Variants in SLC33A1 observed in about 807,000 individuals in gnomAD.
SLC33A1 encodes acetyl-coenzyme A transporter 1.
In SLC33A1, 20 loss-of-function variants were observed where a neutral mutation model predicts 50.0. That is an observed-to-expected ratio of 0.40 (90% CI 0.28 to 0.58). The LOEUF (loss-of-function observed/expected upper bound fraction) is 0.58, where lower values mean the gene tolerates loss of function less well. Ranked by LOEUF, SLC33A1 falls within the 20% of genes least tolerant of loss-of-function variation. SLC33A1 has a pLI of 0.44. For synonymous variants in SLC33A1, 265 were observed against 251.8 expected (o/e 1.05, Z -0.50); for missense variants, 476 against 657.0 (o/e 0.72, Z 3.01).
In SLC33A1 at chr3:155,821,406, AATAG is replaced by A. The variant is rs2109295662; in HGVS notation, c.*6800_*6803del. The A allele has an allele frequency of 6.6e-6, 1 of 152,366 alleles. No homozygotes were observed. Among genetic ancestry groups the A allele is most frequent in the South Asian group, 2.1e-4 (1 of 4,828 alleles). 9.4% of individuals were successfully genotyped at this position (152,366 alleles called of 1,614,324 possible). ...TGCAAAGGCAACATCTGGGGACAAC[AATAG>A]ATATAGACTCACCAATATAATTTGA... On this transcript the variant is annotated 3_prime_UTR_variant, in exon 6 of 6. Transcript: ENST00000643144.
At chr3:155,844,216 T>C (rs920482344) in intron 1 of SLC33A1, among the ~76,000 whole-genome samples, 11 of 151,966 alleles carry the variant, frequency 7.2e-5, no homozygotes, top group Admixed American at 7.2e-4. Context: ...TCCTTTCTTA[T>C]ATGTTATCTC....
intron 2 of SLC33A1, among the ~76,000 whole-genome samples, chr3:155,838,567 G>C (rs1752796590): frequency 6.6e-6 from 1 of 151,518 alleles, no homozygotes; most frequent in Non-Finnish European, 1.5e-5. Context: ...TGTAATCCCA[G>C]CTACTCCGGA....
chr3:155,832,154 G>A (rs564997619), intron 4 of SLC33A1, among the ~76,000 whole-genome samples: 1 of 152,178 alleles, frequency 6.6e-6, no homozygotes, highest in East Asian at 1.9e-4. Flanking sequence ...GAGGCGGGTG[G>A]ATCACCTGAG....
rs1335863721 is a variant in SLC33A1 at position 155,825,022 on chromosome 3, A to G, written c.*3188T>C. On this transcript the variant is annotated 3_prime_UTR_variant, in exon 6 of 6. Transcript: ENST00000643144. The stretch of plus-strand genomic sequence containing the variant: ...AGGTCAAGGCTGGACGACTGCTTGA[A>G]GCTATGAGATTGGGACTAGCCTGGA... The G allele has an allele frequency of 1.3e-5, 2 of 152,184 alleles. No individual in the cohort carries two copies. The highest frequency in any genetic ancestry group is 4.8e-5 in the African/African-American group (2 of 41,448). The allele number at this position is 152,184 out of a possible 1,614,324, so 9.4% of individuals were successfully genotyped here. A position where few individuals can be genotyped will look rare whatever the true frequency, so the allele number is the denominator to read the frequency against.
chr3:155,831,717 AT>A (rs1752443088), intron 4 of SLC33A1, among the ~76,000 whole-genome samples: 1 of 152,114 alleles, frequency 6.6e-6, no homozygotes, highest in Non-Finnish European at 1.5e-5. Context: ...TAGTTAAAGT[AT>A]TTCTTTAACC....
At chr3:155,829,650 T>C in intron 5 of SLC33A1, 38 bp downstream of exon 5, 1 of 1,354,826 alleles carries the variant, frequency 7.4e-7, no homozygotes, top group Non-Finnish European at 1.1e-6. Context: ...AATATCTTAG[T>C]ATTAGCTTAA....
At chr3:155,839,300 CAA>C (rs550171374) in intron 2 of SLC33A1, among the ~76,000 whole-genome samples, 85 of 25,696 alleles carry the variant, frequency 3.3e-3, no homozygotes, top group East Asian at 0.024. Context: ...AACTCCGCCT[CAA>C]AAAAAAAAAA....
At chr3:155,851,530 T>C (rs368654188) in intron 1 of SLC33A1, among the ~76,000 whole-genome samples, 11 of 151,852 alleles carry the variant, frequency 7.2e-5, no homozygotes, top group Non-Finnish European at 1.3e-4. Flanking sequence ...GGATAACAGG[T>C]GTGAGCCACT....
At chr3:155,835,285 A>T (rs1204875402) in intron 2 of SLC33A1, among the ~76,000 whole-genome samples, 1 of 152,210 alleles carries the variant, frequency 6.6e-6, no homozygotes, top group Admixed American at 6.5e-5. Context: ...GATAAAGGAT[A>T]TAAAGGAGTT....
Position 155,853,891 on chromosome 3 carries a change from T to A in SLC33A1, c.107A>T (p.Asp36Val). 6.4e-7 allele frequency: 1 copy of A among 1,551,676 alleles called. No individual in the cohort carries two copies. Among genetic ancestry groups the A allele is most frequent in the South Asian group, 1.2e-5 (1 of 80,642 alleles). Residue 36 changes from aspartate (D) to valine (V), a missense_variant, in exon 1 of 6, where the codon GAT becomes GTT. Physicochemically the swap from Asp to Val is radical, Grantham distance 152. Coordinates refer to ENST00000643144, the MANE Select transcript of SLC33A1 (RefSeq NM_004733.4). ...GCCCGCTGAGTCCAAATGACTGTCATCCCAACCGCCTGGCGGCAGGGGACC... is the reference window on the plus strand; with the variant it reads ...GCCCGCTGAGTCCAAATGACTGTCAACCCAACCGCCTGGCGGCAGGGGACC... Reference protein sequence around the residue: ...KSGPLPPGGWDDSHLDSAGRE... With the variant: ...KSGPLPPGGWVDSHLDSAGRE...
intron 2 of SLC33A1, among the ~76,000 whole-genome samples, 198 bp downstream of exon 2, chr3:155,842,234 G>A (rs1483713899): frequency 2.6e-5 from 4 of 152,030 alleles, no homozygotes; most frequent in African/African-American, 9.7e-5. Flanking sequence ...AATACTCCAA[G>A]ACATTTAGCT....
chr3:155,829,541 G>A, intron 5 of SLC33A1, 147 bp downstream of exon 5: 1 of 661,110 alleles, frequency 1.5e-6, no homozygotes, highest in South Asian at 1.9e-5. Flanking sequence ...CAGCCTTGAT[G>A]TGAAAGAAAA....
intron 2 of SLC33A1, among the ~76,000 whole-genome samples, chr3:155,839,045 T>C (rs1298701809): frequency 1.3e-5 from 2 of 151,682 alleles, no homozygotes; most frequent in East Asian, 3.9e-4. Flanking sequence ...TCCCAGCACT[T>C]TGGGAGGCCG....
At chr3:155,844,424 GGT>G (rs1753047575) in intron 1 of SLC33A1, among the ~76,000 whole-genome samples, 1 of 45,796 alleles carries the variant, frequency 2.2e-5, no homozygotes, top group African/African-American at 9.6e-5. Context: ...CCTACATAAA[GGT>G]ATATATATAT....
At position 155,833,502 on chromosome 3, in the gene SLC33A1, T is replaced by G. The variant is rs1268248428; in HGVS notation, c.1232A>C (p.Tyr411Ser). Residue 411 changes from tyrosine to serine, a missense_variant, in exon 4 of 6, where the codon TAT becomes TCT. Coordinates refer to ENST00000643144, the MANE Select transcript of SLC33A1 (RefSeq NM_004733.4). Reference protein sequence around the residue: ...EHQGGFPIYYYIVVLLSYALH... With the variant: ...EHQGGFPIYYSIVVLLSYALH... The stretch of plus-strand genomic sequence containing the variant: ...AGCATAACTCAGCAGGACTACGATA[T>G]AGTAATATATAGGGAATCCCCCTTG... 1 of 1,591,500 alleles carries G rather than the reference T, an allele frequency of 6.3e-7. No individual in the cohort carries two copies. Among genetic ancestry groups the G allele is most frequent in the Admixed American group, 1.7e-5 (1 of 59,956 alleles).
chr3:155,845,859 CATT>C (rs1178779576), intron 1 of SLC33A1, among the ~76,000 whole-genome samples: 3 of 152,160 alleles, frequency 2.0e-5, no homozygotes, highest in Admixed American at 1.3e-4. Context: ...TGTATTTTAT[CATT>C]ATTACCAAAA....
At chr3:155,843,397 A>G (rs2107983766) in intron 1 of SLC33A1, among the ~76,000 whole-genome samples, 1 of 152,272 alleles carries the variant, frequency 6.6e-6, no homozygotes, top group South Asian at 2.1e-4. Flanking sequence ...TTTAAGAATA[A>G]CCTTCTCATC....
chr3:155,840,311 C>T lies in SLC33A1; in HGVS notation c.963+2121G>A, dbSNP rs770755170. 1.8e-3 allele frequency among the ~76,000 whole-genome samples: 281 copies of T among 151,984 alleles called. 1 individual carries two copies. Among genetic ancestry groups the T allele is most frequent in the Non-Finnish European group, 3.3e-3 (223 of 67,980 alleles). The stretch of plus-strand genomic sequence containing the variant: ...CCATGTTGGCCAGGCTGGTCTCGAA[C>T]TCCTGGCCTCAAGTGATCAGCCCAC... On this transcript the variant is annotated intron_variant, in intron 2 of 5. Transcript: ENST00000643144.
intron 1 of SLC33A1, among the ~76,000 whole-genome samples, chr3:155,849,155 T>A (rs1753297738): frequency 6.6e-6 from 1 of 152,108 alleles, no homozygotes; most frequent in Non-Finnish European, 1.5e-5. Context: ...GCTCAAGCAA[T>A]CTGCCCACCT....
Sources: gnomAD v4.1 joint callset for allele counts (sites outside exome capture counted in the v4.1 genomes callset) on GRCh38, gnomAD v4.1.1 for gene constraint, MANE v1.5 for transcripts, NCBI Gene and HGNC (gene_info 2026-07-23, HGNC 2026-07-21) for gene names.